The following GRIK2 variants were observed in gnomAD, a reference collection of about 807,000 sequenced individuals.
GRIK2 encodes the protein glutamate receptor ionotropic, kainate 2.
GRIK2 carries 32 observed loss-of-function variants against 100.3 expected under a neutral mutation model. The ratio of observed to expected loss-of-function variants is 0.32; its 90% CI spans 0.24 to 0.43. The LOEUF is 0.43. Ranked by LOEUF, GRIK2 falls within the 20% of genes least tolerant of loss-of-function variation. GRIK2 has a pLI of 1.00. For synonymous variants in GRIK2, 417 were observed against 389.4 expected (o/e 1.07, Z -0.83); for missense variants, 843 against 1,114.9 (o/e 0.76, Z 3.47).
At chr6:101,413,715 C>A (rs1286719171) in intron 2 of GRIK2, among the ~76,000 whole-genome samples, 1 of 152,036 alleles carries the variant, frequency 6.6e-6, no homozygotes, top group African/African-American at 2.4e-5. Context: ...GAAGGATTAT[C>A]TTAGTAACCT....
intron 10 of GRIK2, among the ~76,000 whole-genome samples, chr6:101,855,201 T>C (rs1352948857): frequency 3.3e-5 from 5 of 152,176 alleles, no homozygotes; most frequent in Non-Finnish European, 5.9e-5. Flanking sequence ...ATTTAACACA[T>C]GTGCCTTGAG....
At chr6:101,396,253 C>CA (rs1775005505) in intron 1 of GRIK2, among the ~76,000 whole-genome samples, 1 of 149,406 alleles carries the variant, frequency 6.7e-6, no homozygotes, top group South Asian at 2.2e-4. Flanking sequence ...CCCCCCCCCC[C>CA]CAGGAAGTGA....
At chr6:101,514,541 G>T (rs1327967202) in intron 2 of GRIK2, among the ~76,000 whole-genome samples, 1 of 151,800 alleles carries the variant, frequency 6.6e-6, no homozygotes, top group Non-Finnish European at 1.5e-5. Flanking sequence ...TTCCTTTTAG[G>T]GTTAATAGTA....
At chr6:101,727,096 CATT>C (rs1774923752) in intron 7 of GRIK2, among the ~76,000 whole-genome samples, 1 of 151,860 alleles carries the variant, frequency 6.6e-6, no homozygotes, top group Non-Finnish European at 1.5e-5. Context: ...AAAATGTAAA[CATT>C]ATTTTTATGA....
At chr6:101,643,641 A>C (rs2128325442) in intron 4 of GRIK2, among the ~76,000 whole-genome samples, 1 of 151,486 alleles carries the variant, frequency 6.6e-6, no homozygotes, top group Non-Finnish European at 1.5e-5. Flanking sequence ...CTTTGTAATA[A>C]GTTTGAAATC....
At chr6:101,839,378 A>G (rs1368238346) in intron 10 of GRIK2, among the ~76,000 whole-genome samples, 3 of 152,194 alleles carry the variant, frequency 2.0e-5, no homozygotes, top group Non-Finnish European at 2.9e-5. Context: ...TGTGTGAAAG[A>G]GTTTAGGATA....
intron 2 of GRIK2, among the ~76,000 whole-genome samples, chr6:101,474,195 A>T (rs1282676764): frequency 6.6e-6 from 1 of 151,952 alleles, no homozygotes; most frequent in East Asian, 1.9e-4. Context: ...GTGCTAAATC[A>T]GGTGTTACTA....
chr6:101,521,389 T>A (rs1419787834), intron 2 of GRIK2, among the ~76,000 whole-genome samples: 1 of 151,974 alleles, frequency 6.6e-6, no homozygotes, highest in Non-Finnish European at 1.5e-5. Context: ...TTTTCTATGT[T>A]TCAAAAAGTA....
intron 14 of GRIK2, among the ~76,000 whole-genome samples, chr6:102,004,620 A>G (rs1795117426): frequency 1.3e-5 from 2 of 152,092 alleles, no homozygotes; most frequent in South Asian, 4.1e-4. Context: ...AAGCAATTCA[A>G]TTCTTGGGAG....
rs1243895233 is a variant in GRIK2 at position 101,489,975 on chromosome 6, C to T, written c.115+90583C>T. The stretch of plus-strand genomic sequence containing the variant: ...CAGAGAAAGAAAAAATGTTAAAGTG[C>T]TAGTGATATTTTTAAATGACTATAG... On this transcript the variant is annotated intron_variant, in intron 2 of 16. Coordinates refer to ENST00000369134, the MANE Select transcript of GRIK2 (RefSeq NM_021956.5). Among the ~76,000 whole-genome samples, 4 of 146,284 alleles carry T rather than the reference C, an allele frequency of 2.7e-5. 1 individual carries two copies. The highest frequency in any genetic ancestry group is 6.0e-5 in the Non-Finnish European group (4 of 66,482).
chr6:101,519,032 C>T (rs1396007699), intron 2 of GRIK2, among the ~76,000 whole-genome samples: 3 of 152,114 alleles, frequency 2.0e-5, no homozygotes, highest in Non-Finnish European at 4.4e-5. Context: ...TGCTCTTTAG[C>T]TTAGGAATTA....
At chr6:101,563,661 G>A (rs1176699640) in intron 2 of GRIK2, among the ~76,000 whole-genome samples, 1 of 151,968 alleles carries the variant, frequency 6.6e-6, no homozygotes, top group African/African-American at 2.4e-5. Context: ...AAAATATAAG[G>A]CATCATACTT....
intron 11 of GRIK2, among the ~76,000 whole-genome samples, chr6:101,867,990 C>T (rs1299894366): frequency 7.4e-6 from 1 of 135,470 alleles, no homozygotes; most frequent in Non-Finnish European, 1.5e-5. Flanking sequence ...ACTTAAGCTA[C>T]TTAAAATGTC....
At chr6:101,443,365 A>C (rs1770188696) in intron 2 of GRIK2, among the ~76,000 whole-genome samples, 1 of 152,212 alleles carries the variant, frequency 6.6e-6, no homozygotes, top group African/African-American at 2.4e-5. Flanking sequence ...TCTAATTTAC[A>C]AAAAGAAATA....
chr6:101,975,470 T>C (rs952185849), intron 14 of GRIK2, among the ~76,000 whole-genome samples: 3 of 151,872 alleles, frequency 2.0e-5, no homozygotes, highest in African/African-American at 7.2e-5. Context: ...AAGGGCTTGT[T>C]GTAAGAAAAG....
At chr6:101,805,323 A>G (rs1356301545) in intron 9 of GRIK2, among the ~76,000 whole-genome samples, 1 of 151,710 alleles carries the variant, frequency 6.6e-6, no homozygotes, top group Non-Finnish European at 1.5e-5. Flanking sequence ...TAAAAAAAAA[A>G]AAAAGTGCAG....
intron 2 of GRIK2, among the ~76,000 whole-genome samples, chr6:101,535,464 C>CT (rs1163543499): frequency 6.6e-6 from 1 of 151,698 alleles, no homozygotes; most frequent in African/African-American, 2.4e-5. Context: ...AAAGTAGAGG[C>CT]TAGGGAACTG....
At chr6:101,394,406 C>T (rs571873547) in intron 1 of GRIK2, among the ~76,000 whole-genome samples, 2 of 152,204 alleles carry the variant, frequency 1.3e-5, no homozygotes, top group Non-Finnish European at 2.9e-5. Context: ...GAACTTTTAA[C>T]GAACCACATC....
chr6:101,750,825 A>G (rs186553529), intron 7 of GRIK2, among the ~76,000 whole-genome samples: 4 of 152,298 alleles, frequency 2.6e-5, no homozygotes, highest in Admixed American at 2.0e-4. Flanking sequence ...TAGACTTTCC[A>G]TGTTCTTTCA....
Sources: gnomAD v4.1 joint callset for allele counts (sites outside exome capture counted in the v4.1 genomes callset) on GRCh38, gnomAD v4.1.1 for gene constraint, MANE v1.5 for transcripts, NCBI Gene and HGNC (gene_info 2026-07-23, HGNC 2026-07-21) for gene names.